Variants in SBF2 observed in about 807,000 individuals in gnomAD.
SBF2 encodes myotubularin-related protein 13.
In SBF2, 112 loss-of-function variants were observed where a neutral mutation model predicts 225.2. The observed-to-expected ratio is 0.50, with a 90% CI of 0.43 to 0.58. SBF2 has a LOEUF of 0.58. Ranked by LOEUF, SBF2 falls within the 20% of genes least tolerant of loss-of-function variation. The pLI is 0.00. For missense variants in SBF2, 1,996 were observed against 2,206.2 expected, an observed-to-expected ratio of 0.90 and a Z score of 1.91; for synonymous variants, 763 against 773.3, an observed-to-expected ratio of 0.99 and a Z score of 0.22.
intron 1 of SBF2, chr11:10,302,763 C>G (rs1039994952): frequency 1.1e-4 from 15 of 136,122 alleles, no homozygotes; most frequent in Admixed American, 1.1e-3. Context: ...AGCGAGGAGG[C>G]AGCGAGGTGG....
At chr11:9,809,544 ATTTTTTTTTTTTTT>A (rs35374748) in intron 30 of SBF2, among the ~76,000 whole-genome samples, 1 of 136,320 alleles carries the variant, frequency 7.3e-6, no homozygotes, top group African/African-American at 2.7e-5. Flanking sequence ...TGTTTCAGAC[ATTTTTTTTTTTTTT>A]TTTTGAGACA....
At chr11:9,869,550 T>G (rs1455890542) in intron 17 of SBF2, among the ~76,000 whole-genome samples, 3 of 152,082 alleles carry the variant, frequency 2.0e-5, no homozygotes, top group Admixed American at 2.0e-4. Context: ...GTTCAACATA[T>G]GCAGATCAAT....
chr11:10,209,039 A>G (rs979590074), intron 1 of SBF2, among the ~76,000 whole-genome samples: 2 of 152,186 alleles, frequency 1.3e-5, no homozygotes, highest in African/African-American at 2.4e-5. Flanking sequence ...AATCTTCCTT[A>G]AACAAGAAAT....
chr11:10,237,809 C>A (rs1488810139), intron 1 of SBF2, among the ~76,000 whole-genome samples: 1 of 152,146 alleles, frequency 6.6e-6, no homozygotes, highest in Non-Finnish European at 1.5e-5. Context: ...CACCACTGAT[C>A]GGCCTTCTGT....
At chr11:9,977,702 T>C (rs1430579681) in intron 13 of SBF2, among the ~76,000 whole-genome samples, 1 of 152,226 alleles carries the variant, frequency 6.6e-6, no homozygotes, top group Non-Finnish European at 1.5e-5. Context: ...TTACACTGTT[T>C]GTCTCTAGTG....
intron 1 of SBF2, among the ~76,000 whole-genome samples, chr11:10,286,745 A>C (rs1565437712): frequency 6.6e-6 from 1 of 152,208 alleles, no homozygotes; most frequent in Non-Finnish European, 1.5e-5. Flanking sequence ...CAGGCAGAGC[A>C]ACCAAAAATA....
intron 16 of SBF2, among the ~76,000 whole-genome samples, chr11:9,910,859 A>G (rs1443261272): frequency 6.9e-6 from 1 of 144,348 alleles, no homozygotes; most frequent in Admixed American, 7.0e-5. Context: ...CCATTTGGCC[A>G]ACATGGTGAA....
chr11:10,230,886 A>G (rs1253022489), intron 1 of SBF2, among the ~76,000 whole-genome samples: 6 of 152,102 alleles, frequency 3.9e-5, no homozygotes, highest in African/African-American at 1.4e-4. Context: ...GTTCTCCTGG[A>G]TAATATCCTG....
intron 32 of SBF2, among the ~76,000 whole-genome samples, chr11:9,799,313 C>G (rs917246427): frequency 4.6e-5 from 7 of 152,172 alleles, no homozygotes; most frequent in African/African-American, 1.4e-4. Flanking sequence ...TCCAAGGCCT[C>G]TTGTACCCAC....
In SBF2 at chr11:10,098,015, T is replaced by C. The variant is rs144805994; in HGVS notation, c.142-55034A>G. Among the ~76,000 whole-genome samples, 51 of 152,224 alleles carry C rather than the reference T, an allele frequency of 3.4e-4. No individual in the cohort carries two copies. In the East Asian group the frequency reaches 9.9e-3, roughly 29 times the overall value. On this transcript the variant is annotated intron_variant, in intron 2 of 39. Transcript: ENST00000256190. ...GAACGCAACAAAGCACCATGGTTTC[T>C]GCTAAATGCCTCCCACACTCCACCA... is the stretch of plus-strand genomic sequence containing the variant.
intron 16 of SBF2, among the ~76,000 whole-genome samples, chr11:9,918,174 C>T (rs1177027895): frequency 1.8e-5 from 2 of 113,260 alleles, no homozygotes; most frequent in Non-Finnish European, 3.7e-5. Flanking sequence ...CATTTGTCAT[C>T]GGCTCCCTCT....
At chr11:9,799,444 A>C (rs529442656) in intron 32 of SBF2, among the ~76,000 whole-genome samples, 1 of 152,302 alleles carries the variant, frequency 6.6e-6, no homozygotes, top group Admixed American at 6.5e-5. Context: ...GGGTTGAAAA[A>C]CAAACCTCCC....
intron 1 of SBF2, among the ~76,000 whole-genome samples, chr11:10,272,766 A>AAATAATAAT (rs140871661): frequency 9.7e-5 from 14 of 144,490 alleles, no homozygotes; most frequent in African/African-American, 2.6e-5. Context: ...CCTTGTCTTA[A>AAATAATAAT]AATAATAATA....
chr11:10,277,216 T>C (rs1403126037), intron 1 of SBF2, among the ~76,000 whole-genome samples: 6 of 150,896 alleles, frequency 4.0e-5, no homozygotes, highest in African/African-American at 7.3e-5. Context: ...GCCCGGGAGT[T>C]TGAGACCAGC....
chr11:10,112,427 C>T (rs966918520), intron 2 of SBF2, among the ~76,000 whole-genome samples: 2 of 152,190 alleles, frequency 1.3e-5, no homozygotes, highest in Non-Finnish European at 2.9e-5. Context: ...TCTTTGCCTG[C>T]CGCCATCCAT....
chr11:9,785,349 C>A, intron 36 of SBF2, 31 bp from the exon 37 acceptor site: 1 of 1,573,402 alleles, frequency 6.4e-7, no homozygotes, highest in Non-Finnish European at 8.7e-7. Context: ...GCTAGGAAAC[C>A]TTTACAGACA....
rs1959168664 is a variant in SBF2, at chr11:10,238,681, G to A, written c.56-44694C>T. ...TAATCCCAGCACTTTGGGAGGCTGA[G>A]GTGGGTGGATCACCTGAGGTCAGGA... On this transcript the variant is annotated intron_variant, in intron 1 of 39. Coordinates refer to ENST00000256190, the MANE Select transcript of SBF2 (RefSeq NM_030962.4). Among the ~76,000 whole-genome samples the A allele has an allele frequency of 1.3e-5, 2 of 150,800 alleles. 1 individual carries two copies. Among genetic ancestry groups the A allele is most frequent in the Non-Finnish European group, 3.0e-5 (2 of 67,432 alleles).
intron 1 of SBF2, among the ~76,000 whole-genome samples, chr11:10,226,327 T>C (rs922223088): frequency 6.6e-6 from 1 of 152,154 alleles, no homozygotes; most frequent in African/African-American, 2.4e-5. Flanking sequence ...TGTATTTTTT[T>C]CTTAATTTTA....
chr11:10,077,371 C>T (rs1264111308), intron 2 of SBF2, among the ~76,000 whole-genome samples: 5 of 152,154 alleles, frequency 3.3e-5, no homozygotes, highest in African/African-American at 1.2e-4. Flanking sequence ...AAGAACAAAG[C>T]TGGAGGCATC....
Sources: gnomAD v4.1 joint callset for allele counts (sites outside exome capture counted in the v4.1 genomes callset) on GRCh38, gnomAD v4.1.1 for gene constraint, MANE v1.5 for transcripts, NCBI Gene and HGNC (gene_info 2026-07-23, HGNC 2026-07-21) for gene names.